The following MAP4K5 variants were observed in gnomAD, a reference collection of about 807,000 sequenced individuals.
MAP4K5 encodes the protein mitogen-activated protein kinase kinase kinase kinase 5, also known as MAPK/ERK kinase kinase kinase 5.
A neutral mutation model predicts 135.6 loss-of-function variants in MAP4K5; 82 were observed. That is an observed-to-expected ratio of 0.60 (90% CI 0.51 to 0.73). The LOEUF (loss-of-function observed/expected upper bound fraction) is 0.73. MAP4K5 is among the 30% of genes least tolerant of loss of function. The pLI is 0.00. For missense variants in MAP4K5, 907 were observed against 1,010.9 expected (o/e 0.90, Z 1.39); for synonymous variants, 347 against 335.0 (o/e 1.04, Z -0.39).
At chr14:50,496,708 T>A (rs1158045437) in intron 3 of MAP4K5, among the ~76,000 whole-genome samples, 1 of 151,702 alleles carries the variant, frequency 6.6e-6, no homozygotes, top group African/African-American at 2.4e-5. Context: ...CTGGGTCTTA[T>A]CATGTTGCCC....
At chr14:50,500,059 C>T (rs1276218832) in intron 3 of MAP4K5, among the ~76,000 whole-genome samples, 1 of 152,098 alleles carries the variant, frequency 6.6e-6, no homozygotes, top group African/African-American at 2.4e-5. Context: ...CTAGTCAAAT[C>T]GTCATTCTCA....
intron 3 of MAP4K5, among the ~76,000 whole-genome samples, chr14:50,486,789 G>C (rs976283342): frequency 2.6e-5 from 4 of 151,954 alleles, no homozygotes; most frequent in Admixed American, 1.3e-4. Flanking sequence ...AAATTAGATG[G>C]GTGTGGTGGT....
At chr14:50,479,294 T>A (rs2037183419) in intron 6 of MAP4K5, among the ~76,000 whole-genome samples, 1 of 152,038 alleles carries the variant, frequency 6.6e-6, no homozygotes, top group African/African-American at 2.4e-5. Flanking sequence ...AATGATACTC[T>A]TCACTTATAA....
chr14:50,485,944 T>C (rs2139930859), intron 4 of MAP4K5, 160 bp downstream of exon 4: 1 of 553,856 alleles, frequency 1.8e-6, no homozygotes, highest in Non-Finnish European at 3.2e-6. Context: ...TATTAATATG[T>C]AATAGGGGAA....
chr14:50,464,387 T>TTA (rs1218290617), intron 11 of MAP4K5, among the ~76,000 whole-genome samples: 2 of 152,180 alleles, frequency 1.3e-5, no homozygotes, highest in African/African-American at 4.8e-5. Flanking sequence ...GCTGTGTCAT[T>TTA]TATATATGAC....
At chr14:50,506,451 T>C (rs1241552716) in intron 2 of MAP4K5, among the ~76,000 whole-genome samples, 1 of 152,130 alleles carries the variant, frequency 6.6e-6, no homozygotes, top group African/African-American at 2.4e-5. Flanking sequence ...CTCTGCCTCC[T>C]GGGCTCAAGT....
Position 50,434,515 on chromosome 14 carries a change from A to G in MAP4K5, c.2043T>C (p.Pro681=). 6.2e-7 allele frequency: 1 copy of G among 1,605,350 alleles called. No individual in the cohort carries two copies. The highest frequency in any genetic ancestry group is 8.5e-7 in the Non-Finnish European group (1 of 1,175,648). ...CACAGACCATAGGGTATTCCTGTTC[A>G]GGTATCACCAGCATTTCAAAAACAT... is the stretch of plus-strand genomic sequence containing the variant. ...PLNVFEMLVI[P]EQEYPMVCVA... Residue 681 remains proline, a synonymous_variant, in exon 28 of 33, where the codon CCT becomes CCC. Transcript: ENST00000682126.
rs2037053167 is a variant in MAP4K5, at chr14:50,474,554, G to A, written c.542+523C>T. ...AAGATTATTTTGTCAGTAATCAGTG[G>A]AATGCACTAAGAGTGGGGTGGCTGG... On this transcript the variant is annotated intron_variant, in intron 9 of 32. Coordinates refer to ENST00000682126, the MANE Select transcript of MAP4K5 (RefSeq NM_006575.6). 6.8e-5 allele frequency among the ~76,000 whole-genome samples: 10 copies of A among 146,808 alleles called. No individual in the cohort carries two copies. The Admixed American group carries it at 6.8e-4, about 10-fold the overall frequency.
At chr14:50,460,274 G>A (rs539182741) in intron 13 of MAP4K5, among the ~76,000 whole-genome samples, 2 of 151,966 alleles carry the variant, frequency 1.3e-5, no homozygotes, top group Non-Finnish European at 2.9e-5. Context: ...ACTATACTAT[G>A]AGCGTTATAA....
intron 2 of MAP4K5, among the ~76,000 whole-genome samples, chr14:50,513,709 C>T (rs918314327): frequency 1.3e-5 from 2 of 152,172 alleles, no homozygotes; most frequent in African/African-American, 2.4e-5. Flanking sequence ...GGTCTCTCAT[C>T]CTACCCCAGA....
intron 2 of MAP4K5, among the ~76,000 whole-genome samples, chr14:50,509,084 G>T (rs908788451): frequency 6.6e-6 from 1 of 152,022 alleles, no homozygotes; most frequent in African/African-American, 2.4e-5. Context: ...CCTTTGCAGG[G>T]ACACAGATGA....
intron 14 of MAP4K5, among the ~76,000 whole-genome samples, chr14:50,453,256 T>C (rs2036530743): frequency 6.7e-6 from 1 of 149,086 alleles, no homozygotes; most frequent in African/African-American, 2.5e-5. Flanking sequence ...ACCAATACAC[T>C]CTTCAGATGA....
chr14:50,459,539 G>A (rs1458098602), intron 13 of MAP4K5, among the ~76,000 whole-genome samples: 1 of 152,074 alleles, frequency 6.6e-6, no homozygotes, highest in Non-Finnish European at 1.5e-5. Context: ...TTTTGATTAT[G>A]TCACTCCCTT....
At chr14:50,497,076 A>C (rs1020115773) in intron 3 of MAP4K5, among the ~76,000 whole-genome samples, 12 of 152,250 alleles carry the variant, frequency 7.9e-5, no homozygotes, top group African/African-American at 2.7e-4. Flanking sequence ...TACAGTGAAT[A>C]AATTAGCAGT....
chr14:50,447,342 A>C, intron 16 of MAP4K5, 72 bp downstream of exon 16: 1 of 906,692 alleles, frequency 1.1e-6, no homozygotes, highest in Non-Finnish European at 1.7e-6. Flanking sequence ...GCTTATTAGA[A>C]TAAATCACAT....
intron 30 of MAP4K5, among the ~76,000 whole-genome samples, chr14:50,426,455 T>G (rs755179496): frequency 6.6e-6 from 1 of 152,214 alleles, no homozygotes; most frequent in Admixed American, 6.5e-5. Flanking sequence ...CCGGGCGCAG[T>G]GGCTCATCCC....
At chr14:50,479,167 T>A (rs1055157133) in intron 6 of MAP4K5, among the ~76,000 whole-genome samples, 46 of 145,838 alleles carry the variant, frequency 3.2e-4, no homozygotes, top group African/African-American at 1.0e-3. Flanking sequence ...TTTTTTCTCT[T>A]TGTCTCTTCA....
At chr14:50,461,003 A>G (rs914808514) in intron 13 of MAP4K5, among the ~76,000 whole-genome samples, 5 of 152,174 alleles carry the variant, frequency 3.3e-5, no homozygotes, top group African/African-American at 1.2e-4. Context: ...TGAGTACCCA[A>G]TGAGTGCTAG....
chr14:50,500,866 G>A (rs955388701), intron 3 of MAP4K5, among the ~76,000 whole-genome samples: 14 of 152,128 alleles, frequency 9.2e-5, no homozygotes, highest in African/African-American at 3.4e-4. Flanking sequence ...GCAAAATGCA[G>A]AAGAAAAGCA....
Sources: gnomAD v4.1 joint callset for allele counts (sites outside exome capture counted in the v4.1 genomes callset) on GRCh38, gnomAD v4.1.1 for gene constraint, MANE v1.5 for transcripts, NCBI Gene and HGNC (gene_info 2026-07-23, HGNC 2026-07-21) for gene names.